The following ANKS1B variants were observed in gnomAD, a reference collection of about 807,000 sequenced individuals.
ANKS1B encodes the protein ankyrin repeat and sterile alpha motif domain-containing protein 1B.
In ANKS1B, 36 loss-of-function variants were observed where a neutral mutation model predicts 148.3. That is an observed-to-expected ratio of 0.24 (90% CI 0.19 to 0.32). The LOEUF (loss-of-function observed/expected upper bound fraction) is 0.32, where lower values mean the gene tolerates loss of function less well. ANKS1B is among the 10% of genes least tolerant of loss of function. ANKS1B has a pLI of 1.00. For synonymous variants in ANKS1B, 542 were observed against 560.8 expected, an observed-to-expected ratio of 0.97 and a Z score of 0.47; for missense variants, 1,157 against 1,542.6, an observed-to-expected ratio of 0.75 and a Z score of 4.19.
At chr12:99,707,330 T>C (rs2055960862) in intron 8 of ANKS1B, among the ~76,000 whole-genome samples, 1 of 152,028 alleles carries the variant, frequency 6.6e-6, no homozygotes, top group African/African-American at 2.4e-5. Context: ...CCAGAAGTCA[T>C]AAAATTATCT....
chr12:99,359,980 T>G (rs1283651791), intron 12 of ANKS1B, among the ~76,000 whole-genome samples: 1 of 152,158 alleles, frequency 6.6e-6, no homozygotes, highest in African/African-American at 2.4e-5. Flanking sequence ...AGAATACAGC[T>G]CAGTTTAAAC....
chr12:99,728,862 A>T (rs2058863152), intron 8 of ANKS1B, among the ~76,000 whole-genome samples: 1 of 152,208 alleles, frequency 6.6e-6, no homozygotes, highest in African/African-American at 2.4e-5. Flanking sequence ...ACTAACTAAC[A>T]GGAACAGAAA....
At chr12:99,071,433 G>A (rs776888002) in intron 16 of ANKS1B, among the ~76,000 whole-genome samples, 1 of 152,200 alleles carries the variant, frequency 6.6e-6, no homozygotes, top group Non-Finnish European at 1.5e-5. Flanking sequence ...CTGTTTTACA[G>A]TTTTCGTGTA....
rs139102842 is a variant in ANKS1B at position 98,806,118 on chromosome 12, C to T, written c.3141+1726G>A. ...AACTCCTGGCCTCAAGTGATCCACC[C>T]GCCTTGGCCTCCCAAAGTGCTGGGA... On this transcript the variant is annotated intron_variant, in intron 20 of 26. Transcript: ENST00000683438. 7.9e-3 allele frequency among the ~76,000 whole-genome samples: 1,205 copies of T among 152,282 alleles called. 5 individuals are homozygous for T. The highest frequency in any genetic ancestry group is 0.014 in the Middle Eastern group (4 of 294).
chr12:99,790,482 G>C (rs9943776), intron 4 of ANKS1B, among the ~76,000 whole-genome samples: 1,688 of 152,204 alleles, frequency 0.011, 35 homozygotes, highest in African/African-American at 0.039. Flanking sequence ...TGTAATTACG[G>C]TGTGAAAACT....
chr12:99,815,897 T>C (rs2069058209), intron 2 of ANKS1B, among the ~76,000 whole-genome samples: 1 of 151,824 alleles, frequency 6.6e-6, no homozygotes, highest in African/African-American at 2.4e-5. Context: ...TCATTGGCAC[T>C]TAGGTTGGTT....
intron 17 of ANKS1B, among the ~76,000 whole-genome samples, chr12:99,051,878 A>G (rs938235870): frequency 1.3e-5 from 2 of 152,254 alleles, no homozygotes; most frequent in African/African-American, 4.8e-5. Context: ...ACTAATAATA[A>G]CCATCATTTA....
At chr12:99,948,595 T>C (rs995227310) in intron 1 of ANKS1B, among the ~76,000 whole-genome samples, 6 of 152,322 alleles carry the variant, frequency 3.9e-5, no homozygotes, top group South Asian at 2.1e-4. Context: ...GACCATCTGA[T>C]TGAGAATTCA....
At chr12:98,881,797 C>T (rs1205109653) in intron 17 of ANKS1B, among the ~76,000 whole-genome samples, 1 of 152,058 alleles carries the variant, frequency 6.6e-6, no homozygotes, top group African/African-American at 2.4e-5. Flanking sequence ...TTTAAAAAGA[C>T]TGTGACAAAT....
At chr12:99,781,298 C>T (rs1032594063) in intron 5 of ANKS1B, among the ~76,000 whole-genome samples, 1 of 151,968 alleles carries the variant, frequency 6.6e-6, no homozygotes, top group Non-Finnish European at 1.5e-5. Flanking sequence ...AACAGTCTGC[C>T]AATGTTTTTC....
chr12:99,571,443 T>C (rs2097454695), intron 9 of ANKS1B, among the ~76,000 whole-genome samples: 2 of 151,572 alleles, frequency 1.3e-5, no homozygotes, highest in Admixed American at 6.6e-5. Context: ...AAAAAAAAAG[T>C]AGTATCTGAT....
intron 11 of ANKS1B, among the ~76,000 whole-genome samples, chr12:99,439,147 C>T (rs1012990766): frequency 1.3e-5 from 2 of 151,336 alleles, no homozygotes; most frequent in African/African-American, 4.9e-5. Context: ...AAATCTTGAC[C>T]CCCACCTCAC....
chr12:98,837,642 G>A (rs2099382478), intron 17 of ANKS1B, among the ~76,000 whole-genome samples: 2 of 152,156 alleles, frequency 1.3e-5, no homozygotes, highest in South Asian at 2.1e-4. Flanking sequence ...TCTGGGTTTG[G>A]CTGTGGGAAT....
intron 12 of ANKS1B, among the ~76,000 whole-genome samples, chr12:99,349,883 C>A (rs948477827): frequency 1.3e-5 from 2 of 151,908 alleles, no homozygotes; most frequent in African/African-American, 2.4e-5. Context: ...GATGGATATA[C>A]AACACTGTGA....
chr12:99,259,892 G>T (rs1172056789), intron 12 of ANKS1B, among the ~76,000 whole-genome samples: 2 of 152,234 alleles, frequency 1.3e-5, no homozygotes, highest in Non-Finnish European at 2.9e-5. Flanking sequence ...TTCAAAGAGA[G>T]TTCTGTGCTA....
chr12:98,936,922 T>C (rs917223895), intron 17 of ANKS1B, among the ~76,000 whole-genome samples: 1 of 152,242 alleles, frequency 6.6e-6, no homozygotes, highest in Non-Finnish European at 1.5e-5. Flanking sequence ...GTAGGTGGAA[T>C]GCTGGCCGTG....
chr12:99,324,114 A>G (rs1032788242), intron 12 of ANKS1B, among the ~76,000 whole-genome samples: 1 of 152,184 alleles, frequency 6.6e-6, no homozygotes, highest in Non-Finnish European at 1.5e-5. Context: ...AACCAAGTTA[A>G]TGAGCTATTT....
chr12:99,908,425 T>C (rs4764748), intron 1 of ANKS1B, among the ~76,000 whole-genome samples: 41,373 of 151,564 alleles, frequency 0.27, 5,910 homozygotes, highest in Non-Finnish European at 0.32. Context: ...CAAAAAAATA[T>C]AAAAATTAGC....
At position 98,832,113 on chromosome 12, in the gene ANKS1B, G is replaced by T; in HGVS notation, c.2802C>A (p.Gly934=). Residue 934 remains glycine (G), a synonymous_variant, in exon 18 of 27, where the codon GGC becomes GGA. Transcript: ENST00000683438. ...GAGATGCCAAAATACGTTTCCTGTG[G>T]CCAATCAAATTGATTTTTAAAACCT... ...LINVLKINLI[G]HRKRILASLG... 1 of 1,585,020 alleles carries T rather than the reference G, an allele frequency of 6.3e-7. No individual in the cohort carries two copies. Among genetic ancestry groups the T allele is most frequent in the South Asian group, 1.2e-5 (1 of 86,378 alleles).
Sources: gnomAD v4.1 joint callset for allele counts (sites outside exome capture counted in the v4.1 genomes callset) on GRCh38, gnomAD v4.1.1 for gene constraint, MANE v1.5 for transcripts, NCBI Gene and HGNC (gene_info 2026-07-23, HGNC 2026-07-21) for gene names.